Variants in ESPNL observed in about 807,000 individuals in gnomAD.
ESPNL encodes espin-like protein.
Under a neutral mutation model 46.8 loss-of-function variants are expected in ESPNL, and 49 were observed. That is an observed-to-expected ratio of 1.05 (90% CI 0.83 to 1.33). The LOEUF is 1.33. Ranked by LOEUF, ESPNL falls within the 40% of genes most tolerant of loss-of-function variation. The pLI, the probability that ESPNL is intolerant of heterozygous loss-of-function variation, is 0.00. For synonymous variants in ESPNL, 664 were observed against 662.1 expected (o/e 1.00, Z -0.04); for missense variants, 1,540 against 1,436.6 (o/e 1.07, Z -1.16).
At chr2:238,119,436 GGAGGTGGAGGAGAGGAGGTTAGA>G (rs1691929549) in intron 5 of ESPNL, among the ~76,000 whole-genome samples, 3 of 141,392 alleles carry the variant, frequency 2.1e-5, no homozygotes, top group Non-Finnish European at 3.1e-5. Context: ...ATGGAGGAGG[GGAGGTGGAGGAGAGGAGGTTAGA>G]TGAAGGAGGA....
chr2:238,107,214 A>T (rs947625357), intron 3 of ESPNL, among the ~76,000 whole-genome samples: 19 of 152,172 alleles, frequency 1.2e-4, no homozygotes, highest in South Asian at 6.2e-4. Context: ...GGTGCTGTGG[A>T]CCACAGCAGG....
intron 3 of ESPNL, 146 bp from the exon 4 acceptor site, chr2:238,107,645 C>T (rs749396016): frequency 2.4e-6 from 2 of 821,872 alleles, no homozygotes; most frequent in Admixed American, 6.2e-5. Context: ...CGTGCTCAGC[C>T]AGCCCTGTCC....
Position 238,131,750 on chromosome 2 carries a change from T to C in ESPNL, c.*18T>C. Reference sequence around the variant, plus strand: ...GAGAATGACCCTACTGGCAGCCTGCTTTCCAGAATGTGGTTTGGGGGTGAC... The same window carrying C: ...GAGAATGACCCTACTGGCAGCCTGCCTTCCAGAATGTGGTTTGGGGGTGAC... On this transcript the variant is annotated 3_prime_UTR_variant, in exon 9 of 9. Transcript: ENST00000343063. 1 of 1,560,808 alleles carries C rather than the reference T, an allele frequency of 6.4e-7. No homozygotes were observed. The highest frequency in any genetic ancestry group is 1.2e-5 in the South Asian group (1 of 84,022).
At chr2:238,102,213 G>T in intron 2 of ESPNL, 82 bp downstream of exon 2, 1 of 1,264,974 alleles carries the variant, frequency 7.9e-7, no homozygotes, top group Admixed American at 2.5e-5. Context: ...GGGCCAAGAG[G>T]ACAGGCTGGT....
chr2:238,129,289 G>C, intron 8 of ESPNL: 1 of 1,095,704 alleles, frequency 9.1e-7, no homozygotes, highest in Non-Finnish European at 1.1e-6. Context: ...AAAGCAGTTG[G>C]GGGACTATGA....
At position 238,132,007 on chromosome 2, in the gene ESPNL, G is replaced by A. The variant is rs1423589558; in HGVS notation, c.*275G>A. The A allele has an allele frequency of 3.0e-5, 11 of 363,366 alleles. No individual in the cohort carries two copies. The highest frequency in any genetic ancestry group is 6.5e-5 in the South Asian group (1 of 15,318). The allele number at this position is 363,366 out of a possible 1,614,324, so 22.5% of individuals were successfully genotyped here. A position where few individuals can be genotyped will look rare whatever the true frequency, so the allele number is the denominator to read the frequency against. Reference sequence around the variant, plus strand: ...CAGTCCAGGGCACCTCTGCCCAGCCGGCCCCCGAGACCTGGGATGCTGCCT... The same window carrying A: ...CAGTCCAGGGCACCTCTGCCCAGCCAGCCCCCGAGACCTGGGATGCTGCCT... On this transcript the variant is annotated 3_prime_UTR_variant, in exon 9 of 9. Coordinates refer to ENST00000343063, the MANE Select transcript of ESPNL (RefSeq NM_194312.4).
intron 7 of ESPNL, 83 bp from the exon 8 acceptor site, chr2:238,128,624 A>AC: frequency 7.2e-7 from 1 of 1,393,198 alleles, no homozygotes; most frequent in Non-Finnish European, 9.8e-7. Context: ...GGCGGAGCCA[A>AC]CCCCCCACGT....
Position 238,131,851 on chromosome 2 carries a change from A to T in ESPNL, c.*119A>T. ...GCCGGGCAAGGCTGCCTCCAGTCCT[A>T]CCAGTTATCGGAGGCTGCGGGACTG... On this transcript the variant is annotated 3_prime_UTR_variant, in exon 9 of 9. Coordinates refer to ENST00000343063, the MANE Select transcript of ESPNL (RefSeq NM_194312.4). 1 of 1,130,916 alleles carries T rather than the reference A, an allele frequency of 8.8e-7. No individual in the cohort carries two copies. The allele number at this position is 1,130,916 out of a possible 1,614,324, so 70.1% of individuals were successfully genotyped here. A position where few individuals can be genotyped will look rare whatever the true frequency, so the allele number is the denominator to read the frequency against.
chr2:238,109,867 C>T (rs1691679682), intron 4 of ESPNL, among the ~76,000 whole-genome samples: 1 of 151,658 alleles, frequency 6.6e-6, no homozygotes, highest in Non-Finnish European at 1.5e-5. Context: ...TTTAGGATGC[C>T]ATACGTTACC....
At chr2:238,106,650 A>C (rs1691605195) in intron 3 of ESPNL, among the ~76,000 whole-genome samples, 1 of 152,050 alleles carries the variant, frequency 6.6e-6, no homozygotes, top group African/African-American at 2.4e-5. Flanking sequence ...AGCCTCCCAA[A>C]CTATGCCTGG....
chr2:238,108,091 T>A (rs1181693055), intron 4 of ESPNL, 118 bp downstream of exon 4: 1 of 980,402 alleles, frequency 1.0e-6, no homozygotes, highest in Non-Finnish European at 1.5e-6. Flanking sequence ...TACAGATAGG[T>A]AAACTGAGGC....
chr2:238,117,666 T>C (rs1242063428), intron 5 of ESPNL, among the ~76,000 whole-genome samples: 1 of 152,230 alleles, frequency 6.6e-6, no homozygotes, highest in Non-Finnish European at 1.5e-5. Context: ...GACACGGATC[T>C]TGTCTATCCC....
At chr2:238,126,434 G>C (rs1187064373) in intron 6 of ESPNL, among the ~76,000 whole-genome samples, 2 of 151,502 alleles carry the variant, frequency 1.3e-5, no homozygotes, top group African/African-American at 2.4e-5. Context: ...TTGTGTGTCT[G>C]TGTCAGTGTG....
chr2:238,101,778 C>T (rs182682468), intron 1 of ESPNL, among the ~76,000 whole-genome samples, 163 bp from the exon 2 acceptor site: 1 of 151,412 alleles, frequency 6.6e-6, no homozygotes, highest in East Asian at 1.9e-4. Context: ...CAGGGAGCAC[C>T]TCCCTCCATG....
intron 5 of ESPNL, among the ~76,000 whole-genome samples, chr2:238,123,410 C>T (rs1692030758): frequency 6.6e-6 from 1 of 152,156 alleles, no homozygotes; most frequent in Non-Finnish European, 1.5e-5. Flanking sequence ...CCTCTCTGAG[C>T]CTCAATTTCC....
rs749131183 is a variant in ESPNL, at chr2:238,128,910, C to G, written c.1413+6C>G. On this transcript the variant is annotated splice_donor_region_variant and intron_variant, in intron 8 of 8. Transcript: ENST00000343063. ...AGAGCTCCGCAGAGGCCCAGGTAGG[C>G]CCCCGGCAGGGGCGGGACCAGTGGG... The G allele has an allele frequency of 3.9e-6, 6 of 1,534,896 alleles. No homozygotes were observed. The highest frequency in any genetic ancestry group is 5.3e-6 in the Non-Finnish European group (6 of 1,142,750).
At chr2:238,127,076 G>A (rs1380119850) in intron 6 of ESPNL, among the ~76,000 whole-genome samples, 1 of 136,430 alleles carries the variant, frequency 7.3e-6, no homozygotes, top group Non-Finnish European at 1.5e-5. Flanking sequence ...GTATAATTGT[G>A]TCTGTGTGTA....
At chr2:238,115,309 GC>G (rs746074465) in intron 4 of ESPNL, among the ~76,000 whole-genome samples, 5 of 152,204 alleles carry the variant, frequency 3.3e-5, no homozygotes, top group South Asian at 4.1e-4. Flanking sequence ...CAAGGCACTC[GC>G]CCTCGAGGTC....
chr2:238,129,056 ATGAAG>A, intron 8 of ESPNL, 152 bp downstream of exon 8: 1 of 1,431,726 alleles, frequency 7.0e-7, no homozygotes, highest in Non-Finnish European at 9.1e-7. Context: ...CCGCCGGAGG[ATGAAG>A]TGAACCTGAC....
Sources: gnomAD v4.1 joint callset for allele counts (sites outside exome capture counted in the v4.1 genomes callset) on GRCh38, gnomAD v4.1.1 for gene constraint, MANE v1.5 for transcripts, NCBI Gene and HGNC (gene_info 2026-07-23, HGNC 2026-07-21) for gene names.